The following NEK11 variants were observed in gnomAD, a reference collection of about 807,000 sequenced individuals.
The protein encoded by NEK11 is NIMA related kinase 11, also known as serine/threonine-protein kinase Nek11.
NEK11 carries 72 observed loss-of-function variants against 80.7 expected under a neutral mutation model. That is an observed-to-expected ratio of 0.89 (90% CI 0.74 to 1.08). The LOEUF (loss-of-function observed/expected upper bound fraction) is 1.08, where lower values mean the gene tolerates loss of function less well. NEK11 is among the 50% of genes least tolerant of loss of function. NEK11 has a pLI of 0.00. For missense variants in NEK11, 764 were observed against 763.6 expected, an observed-to-expected ratio of 1.00 and a Z score of -0.01; for synonymous variants, 251 against 260.7, an observed-to-expected ratio of 0.96 and a Z score of 0.36.
chr3:131,293,199 T>G (rs2096561073), intron 17 of NEK11, among the ~76,000 whole-genome samples: 1 of 152,166 alleles, frequency 6.6e-6, no homozygotes. Flanking sequence ...TTTCTCACCC[T>G]TAAGTATGAT....
At chr3:131,089,542 G>A (rs1309412382) in intron 4 of NEK11, among the ~76,000 whole-genome samples, 2 of 152,150 alleles carry the variant, frequency 1.3e-5, no homozygotes, top group Non-Finnish European at 2.9e-5. Context: ...AGGTTCAAGT[G>A]ATCCTCCTAC....
At chr3:131,286,061 C>A (rs2108886118) in intron 17 of NEK11, among the ~76,000 whole-genome samples, 1 of 152,276 alleles carries the variant, frequency 6.6e-6, no homozygotes, top group African/African-American at 2.4e-5. Context: ...AAATACCATC[C>A]CTTCTACCCC....
chr3:131,181,677 C>T (rs2093355830), intron 14 of NEK11, among the ~76,000 whole-genome samples: 1 of 133,454 alleles, frequency 7.5e-6, no homozygotes, highest in Admixed American at 9.4e-5. Context: ...ACTCAGGAGG[C>T]AGAACTTGCA....
In NEK11 at chr3:131,146,732, G is replaced by T. The variant is rs143915825; in HGVS notation, c.648-5656G>T. Among the ~76,000 whole-genome samples the T allele has an allele frequency of 2.0e-3, 298 of 151,616 alleles. 1 individual carries two copies. Among genetic ancestry groups the T allele is most frequent in the African/African-American group, 6.8e-3 (280 of 41,330 alleles). ...GGTATTGTCTGTCTTTTTCTTTTTAGCCATTCTGATGAGTGTGTAGCATGT... is the reference window on the plus strand; with the variant it reads ...GGTATTGTCTGTCTTTTTCTTTTTATCCATTCTGATGAGTGTGTAGCATGT... On this transcript the variant is annotated intron_variant, in intron 7 of 17. Transcript: ENST00000383366.
intron 3 of NEK11, among the ~76,000 whole-genome samples, chr3:131,061,311 A>G (rs1177875826): frequency 3.9e-5 from 6 of 152,236 alleles, no homozygotes; most frequent in African/African-American, 2.4e-5. Context: ...ACATTGCCTC[A>G]TTAAGTGGTG....
At chr3:131,178,287 T>G (rs1455762245) in intron 14 of NEK11, among the ~76,000 whole-genome samples, 1 of 152,174 alleles carries the variant, frequency 6.6e-6, no homozygotes, top group Non-Finnish European at 1.5e-5. Flanking sequence ...TATACTAAAT[T>G]TATTTTGAAA....
intron 4 of NEK11, among the ~76,000 whole-genome samples, chr3:131,096,143 T>C (rs2077393857): frequency 2.0e-5 from 3 of 152,024 alleles, no homozygotes; most frequent in African/African-American, 4.8e-5. Flanking sequence ...GTAGTGAACA[T>C]AGTACCCAAT....
At chr3:131,309,987 TAAAAAAAAAAAAAAAAAAAA>T (rs558210123) in intron 17 of NEK11, among the ~76,000 whole-genome samples, 4 of 23,308 alleles carry the variant, frequency 1.7e-4, no homozygotes, top group South Asian at 2.1e-3. Flanking sequence ...AGACCATGTT[TAAAAAAAAAAAAAAAAAAAA>T]AAAAAAAAAA....
At chr3:131,039,113 G>C (rs191161099) in intron 3 of NEK11, among the ~76,000 whole-genome samples, 1 of 152,092 alleles carries the variant, frequency 6.6e-6, no homozygotes, top group Non-Finnish European at 1.5e-5. Flanking sequence ...AATAAATAAA[G>C]TATTTTAGGA....
At chr3:131,341,556 T>C (rs1315225998) in intron 17 of NEK11, among the ~76,000 whole-genome samples, 1 of 152,214 alleles carries the variant, frequency 6.6e-6, no homozygotes, top group Non-Finnish European at 1.5e-5. Flanking sequence ...TTTTCTATCA[T>C]TACTAATATT....
intron 17 of NEK11, among the ~76,000 whole-genome samples, chr3:131,315,246 G>GCTTTGA (rs2096824458): frequency 1.1e-4 from 16 of 152,228 alleles, no homozygotes; most frequent in Admixed American, 5.9e-4. Flanking sequence ...AACTGTGTAT[G>GCTTTGA]CTTTGACTTA....
At chr3:131,204,562 A>G (rs2094383989) in intron 14 of NEK11, among the ~76,000 whole-genome samples, 1 of 151,996 alleles carries the variant, frequency 6.6e-6, no homozygotes, top group Non-Finnish European at 1.5e-5. Context: ...CCATTGCAGT[A>G]GTAATTGCTT....
chr3:131,072,864 G>A (rs775872070), intron 3 of NEK11, among the ~76,000 whole-genome samples: 5 of 152,176 alleles, frequency 3.3e-5, no homozygotes, highest in Non-Finnish European at 5.9e-5. Flanking sequence ...CATGTTGTGA[G>A]GGCACAAATG....
At chr3:131,336,170 A>C (rs534882506) in intron 17 of NEK11, among the ~76,000 whole-genome samples, 1 of 151,328 alleles carries the variant, frequency 6.6e-6, no homozygotes, top group Admixed American at 6.6e-5. Context: ...AGTCAATCCT[A>C]AGCCAAAAGA....
chr3:131,206,793 C>G (rs1343950805), intron 14 of NEK11, among the ~76,000 whole-genome samples: 1 of 152,148 alleles, frequency 6.6e-6, no homozygotes, highest in Non-Finnish European at 1.5e-5. Context: ...ATTAAGTCAT[C>G]ATTTATATTA....
rs1265814776 is a variant in NEK11 at position 131,267,911 on chromosome 3, A to G, written c.1622-5567A>G. Among the ~76,000 whole-genome samples, 4 of 152,202 alleles carry G rather than the reference A, an allele frequency of 2.6e-5. 1 individual carries two copies. Among genetic ancestry groups the G allele is most frequent in the Admixed American group, 6.5e-5 (1 of 15,282 alleles). On this transcript the variant is annotated intron_variant, in intron 16 of 17. Coordinates refer to ENST00000383366, the MANE Select transcript of NEK11 (RefSeq NM_024800.5). ...CTCCTCATCACTTTCAGGTACACCA[A>G]TCAAACATAGGTTTGGTTTCTTCAC...
chr3:131,037,655 A>G (rs1299122622), intron 3 of NEK11, among the ~76,000 whole-genome samples: 1 of 152,318 alleles, frequency 6.6e-6, no homozygotes, highest in East Asian at 1.9e-4. Context: ...TCAGATTGTG[A>G]CTGTAATTTC....
chr3:131,146,827 C>T (rs1263987754), intron 7 of NEK11, among the ~76,000 whole-genome samples: 1 of 152,024 alleles, frequency 6.6e-6, no homozygotes, highest in Non-Finnish European at 1.5e-5. Context: ...CTTCTCATGA[C>T]TTTTGGCCAT....
At chr3:131,152,760 A>T (rs1459889180) in intron 9 of NEK11, 51 bp downstream of exon 9, 1 of 1,226,548 alleles carries the variant, frequency 8.2e-7, no homozygotes. Context: ...ATTTGTATAC[A>T]CATTCCATGA....
Sources: allele counts gnomAD v4.1 joint callset (sites outside exome capture counted in the v4.1 genomes callset), GRCh38; gene constraint gnomAD v4.1.1; transcripts MANE v1.5; gene names NCBI Gene and HGNC (gene_info 2026-07-23, HGNC 2026-07-21).